Variants in ARHGAP22 observed in about 807,000 individuals in gnomAD.
ARHGAP22 encodes rho GTPase-activating protein 22.
In ARHGAP22, 48 loss-of-function variants were observed where a neutral mutation model predicts 59.1. That is an observed-to-expected ratio of 0.81 (90% CI 0.64 to 1.03). The LOEUF (loss-of-function observed/expected upper bound fraction) is 1.03, where lower values mean the gene tolerates loss of function less well. Among genes scored for constraint, ARHGAP22 ranks in the 50% least tolerant of loss-of-function variants. The probability of loss-of-function intolerance (pLI) is 0.00; values close to 1 mark genes in which losing one functional copy is unlikely to be tolerated. For missense variants in ARHGAP22, 1,015 were observed against 958.7 expected (o/e 1.06, Z -0.78); for synonymous variants, 445 against 416.4 (o/e 1.07, Z -0.84).
chr10:48,589,570 A>G (rs2059630376), intron 1 of ARHGAP22, among the ~76,000 whole-genome samples: 1 of 151,998 alleles, frequency 6.6e-6, no homozygotes, highest in Non-Finnish European at 1.5e-5. Context: ...TCTCCTCCCC[A>G]TTCTCATCCA....
At chr10:48,579,102 A>T (rs75123803) in intron 2 of ARHGAP22, among the ~76,000 whole-genome samples, 3 of 149,176 alleles carry the variant, frequency 2.0e-5, no homozygotes, top group Non-Finnish European at 3.0e-5. Flanking sequence ...CTTGTTTTTT[A>T]TTTTTTTTTC....
At chr10:48,440,238 T>C in the ARHGAP22 span, among the ~76,000 whole-genome samples, 1 of 152,212 alleles carries the variant, frequency 6.6e-6, no homozygotes, top group African/African-American at 2.4e-5. Flanking sequence ...TGTTAATGGT[T>C]ATATACCAGT....
chr10:48,610,050 T>C (rs1309723517), upstream of ARHGAP22, among the ~76,000 whole-genome samples: 1 of 152,202 alleles, frequency 6.6e-6, no homozygotes, highest in Non-Finnish European at 1.5e-5. Context: ...GGGAATGGCC[T>C]TTCTCTCCAC....
At chr10:48,469,328 G>A (rs1053010953) in intron 4 of ARHGAP22, among the ~76,000 whole-genome samples, 3 of 152,210 alleles carry the variant, frequency 2.0e-5, no homozygotes, top group African/African-American at 7.2e-5. Context: ...GGGCCTGTTG[G>A]GGATGGGAGT....
At chr10:48,447,889 CT>C (rs2045521134) in intron 9 of ARHGAP22, among the ~76,000 whole-genome samples, 2 of 152,154 alleles carry the variant, frequency 1.3e-5, no homozygotes, top group South Asian at 2.1e-4. Flanking sequence ...TTAGCAAAAC[CT>C]TTTGGCTCTA....
intron 1 of ARHGAP22, among the ~76,000 whole-genome samples, chr10:48,638,002 G>A (rs1348246084): frequency 2.6e-5 from 4 of 151,940 alleles, no homozygotes; most frequent in African/African-American, 9.7e-5. Flanking sequence ...CTCTCCCTTG[G>A]ACTGCTTAAG....
rs148280566 is a variant in ARHGAP22, at chr10:48,634,025, T to C, written c.52+18209A>G. On this transcript the variant is annotated intron_variant, in intron 1 of 9. Coordinates refer to the ARHGAP22 transcript ENST00000435790. ...ACCAGGATGCTGCTTCCTCCCACGC[T>C]TGTTTCTATGATAACTGGCAGGAAG... 6.9e-3 allele frequency among the ~76,000 whole-genome samples: 1,056 copies of C among 152,312 alleles called. 13 individuals are homozygous for C. Among genetic ancestry groups the C allele is most frequent in the African/African-American group, 0.024 (1,010 of 41,564 alleles).
chr10:48,526,113 C>A (rs1286380623), intron 3 of ARHGAP22, among the ~76,000 whole-genome samples: 2 of 152,062 alleles, frequency 1.3e-5, no homozygotes, highest in East Asian at 1.9e-4. Context: ...TCCCTCCCTC[C>A]CTACCACAAT....
At chr10:48,529,260 T>C (rs1564824949) in intron 3 of ARHGAP22, among the ~76,000 whole-genome samples, 2 of 152,050 alleles carry the variant, frequency 1.3e-5, no homozygotes, top group Non-Finnish European at 2.9e-5. Flanking sequence ...CGAACACAGG[T>C]TGGAGGAGTT....
At chr10:48,526,394 T>C (rs2054328782) in intron 3 of ARHGAP22, among the ~76,000 whole-genome samples, 1 of 152,210 alleles carries the variant, frequency 6.6e-6, no homozygotes, top group African/African-American at 2.4e-5. Flanking sequence ...AGGGTTTTCC[T>C]GCGTTAGATC....
At chr10:48,523,672 G>A (rs2054035973) in intron 3 of ARHGAP22, among the ~76,000 whole-genome samples, 1 of 151,946 alleles carries the variant, frequency 6.6e-6, no homozygotes, top group South Asian at 2.1e-4. Context: ...GCAGAGACCT[G>A]CGAGCGGGTC....
intron 2 of ARHGAP22, among the ~76,000 whole-genome samples, chr10:48,575,949 C>T (rs1333082170): frequency 2.0e-5 from 3 of 152,250 alleles, no homozygotes; most frequent in African/African-American, 4.8e-5. Context: ...ATCTGTGCTG[C>T]TGCAGGATGA....
intron 1 of ARHGAP22, 134 bp from the exon 2 acceptor site, chr10:48,583,286 C>G: frequency 9.8e-7 from 1 of 1,023,030 alleles, no homozygotes; most frequent in Non-Finnish European, 1.4e-6. Flanking sequence ...GCAGCTGGGC[C>G]TACTTCCCCT....
intron 3 of ARHGAP22, among the ~76,000 whole-genome samples, chr10:48,552,434 T>G (rs2056971041): frequency 6.6e-6 from 1 of 152,246 alleles, no homozygotes; most frequent in South Asian, 2.1e-4. Flanking sequence ...CTCGGAACTG[T>G]AGGAGAAGCC....
intron 3 of ARHGAP22, among the ~76,000 whole-genome samples, chr10:48,507,833 C>G (rs1314127541): frequency 6.8e-6 from 1 of 147,876 alleles, no homozygotes; most frequent in African/African-American, 2.5e-5. Flanking sequence ...AGGAAGCCAC[C>G]AGTAACAGCC....
intron 3 of ARHGAP22, among the ~76,000 whole-genome samples, chr10:48,554,762 G>A (rs57736095): frequency 0.12 from 17,733 of 152,154 alleles, 1,762 homozygotes; most frequent in African/African-American, 0.27. Context: ...TGTGGGAACT[G>A]AGCTAGGATG....
chr10:48,501,048 A>T (rs2051465414), intron 3 of ARHGAP22, among the ~76,000 whole-genome samples: 1 of 152,246 alleles, frequency 6.6e-6, no homozygotes, highest in South Asian at 2.1e-4. Flanking sequence ...AAAGTTAAAA[A>T]TAGTTGCAAG....
intron 3 of ARHGAP22, among the ~76,000 whole-genome samples, chr10:48,509,332 C>A (rs1281896101): frequency 1.3e-5 from 2 of 152,206 alleles, no homozygotes; most frequent in African/African-American, 4.8e-5. Context: ...ACCAACATCC[C>A]CAGTCAGTGG....
intron 2 of ARHGAP22, among the ~76,000 whole-genome samples, chr10:48,561,368 T>C (rs556651225): frequency 6.6e-6 from 1 of 152,286 alleles, no homozygotes; most frequent in South Asian, 2.1e-4. Context: ...AAATGAATGA[T>C]ATACCTAAAC....
Sources: gnomAD v4.1 joint callset for allele counts (sites outside exome capture counted in the v4.1 genomes callset) on GRCh38, gnomAD v4.1.1 for gene constraint, MANE v1.5 for transcripts, NCBI Gene and HGNC (gene_info 2026-07-23, HGNC 2026-07-21) for gene names.